The following KATNIP variants were observed in gnomAD, a reference collection of about 807,000 sequenced individuals.
KATNIP encodes katanin interacting protein.
A neutral mutation model predicts 174.0 loss-of-function variants in KATNIP; 126 were observed. The ratio of observed to expected loss-of-function variants is 0.72; its 90% CI spans 0.63 to 0.84. The LOEUF is 0.84. Among genes scored for constraint, KATNIP ranks in the 40% least tolerant of loss-of-function variants. KATNIP has a pLI of 0.00. For missense variants in KATNIP, 1,958 were observed against 2,109.7 expected, an observed-to-expected ratio of 0.93 and a Z score of 1.41; for synonymous variants, 810 against 835.7, an observed-to-expected ratio of 0.97 and a Z score of 0.53.
At chr16:27,747,640 G>T (rs946287189) in intron 15 of KATNIP, among the ~76,000 whole-genome samples, 5 of 151,878 alleles carry the variant, frequency 3.3e-5, no homozygotes, top group Non-Finnish European at 5.9e-5. Context: ...GCCGGAAGGT[G>T]GGGGGTGGGG....
At chr16:27,659,753 G>A (rs1257997497) in intron 6 of KATNIP, among the ~76,000 whole-genome samples, 1 of 152,142 alleles carries the variant, frequency 6.6e-6, no homozygotes. Flanking sequence ...TGCAGGATAA[G>A]GATAGAAATA....
intron 19 of KATNIP, among the ~76,000 whole-genome samples, chr16:27,764,697 C>A (rs2082066612): frequency 6.6e-6 from 1 of 152,206 alleles, no homozygotes; most frequent in South Asian, 2.1e-4. Context: ...CTGTCGGCTA[C>A]AAATGCTCCA....
At chr16:27,560,283 GAAAAAAAAA>G (rs765910684) in intron 1 of KATNIP, among the ~76,000 whole-genome samples, 741 of 44,982 alleles carry the variant, frequency 0.016, 15 homozygotes, top group African/African-American at 0.051. Flanking sequence ...CTCTGTCTCA[GAAAAAAAAA>G]AAAAAAAAAA....
intron 11 of KATNIP, among the ~76,000 whole-genome samples, chr16:27,702,741 T>C (rs556660693): frequency 1.1e-4 from 17 of 152,320 alleles, no homozygotes; most frequent in South Asian, 4.1e-4. Flanking sequence ...GGGAGCCCTT[T>C]GTTATAACTT....
intron 2 of KATNIP, among the ~76,000 whole-genome samples, chr16:27,580,170 T>A (rs1301846186): frequency 6.6e-6 from 1 of 152,134 alleles, no homozygotes; most frequent in Non-Finnish European, 1.5e-5. Context: ...TGGAGTGCAG[T>A]GGCGCTGTAT....
At chr16:27,752,217 G>A (rs927808692) in intron 17 of KATNIP, among the ~76,000 whole-genome samples, 35 of 152,140 alleles carry the variant, frequency 2.3e-4, no homozygotes, top group African/African-American at 8.4e-4. Context: ...GGCAGTCTGG[G>A]GGGAGTTTTT....
chr16:27,739,573 A>C (rs1339945719), intron 14 of KATNIP, among the ~76,000 whole-genome samples: 1 of 152,038 alleles, frequency 6.6e-6, no homozygotes, highest in Non-Finnish European at 1.5e-5. Flanking sequence ...TTTTATAAGC[A>C]CTCCAGGCTT....
At chr16:27,770,658 G>C (rs1419910646) in intron 21 of KATNIP, among the ~76,000 whole-genome samples, 2 of 152,200 alleles carry the variant, frequency 1.3e-5, no homozygotes, top group South Asian at 2.1e-4. Context: ...CACTGACAGC[G>C]GACCAGGGAG....
At position 27,740,789 on chromosome 16, in the gene KATNIP, C is replaced by A; in HGVS notation, c.2492C>A (p.Thr831Asn). The change falls in exon 15 of 28, where the codon ACC (threonine) becomes AAC (asparagine). Residue 831 changes from threonine (T) to asparagine (N), a missense_variant. Coordinates refer to ENST00000261588, the MANE Select transcript of KATNIP (RefSeq NM_015202.5). ...AAGGAGAGACCCCAGAGGGCAACCA[C>A]CAAAGTCCACAGTGATGACTCAGAC... ...NTKERPQRAT[T>N]KVHSDDSDIF... 6.2e-7 allele frequency: 1 copy of A among 1,614,192 alleles called. No individual in the cohort carries two copies.
chr16:27,626,060 G>C (rs2076324628), intron 3 of KATNIP, among the ~76,000 whole-genome samples: 1 of 151,992 alleles, frequency 6.6e-6, no homozygotes, highest in Admixed American at 6.6e-5. Context: ...ATGTTGCCCA[G>C]GCTAATCTCA....
At chr16:27,600,087 T>A (rs764515062) in intron 2 of KATNIP, among the ~76,000 whole-genome samples, 45 of 152,314 alleles carry the variant, frequency 3.0e-4, no homozygotes, top group Non-Finnish European at 5.3e-4. Flanking sequence ...GGTAGGTCAT[T>A]TGATTAAAAT....
At chr16:27,633,892 C>T (rs2076562790) in intron 5 of KATNIP, among the ~76,000 whole-genome samples, 1 of 152,212 alleles carries the variant, frequency 6.6e-6, no homozygotes, top group Admixed American at 6.5e-5. Context: ...GGGGCATCTT[C>T]AAGTCATTGA....
intron 13 of KATNIP, among the ~76,000 whole-genome samples, chr16:27,711,222 G>T (rs2079559904): frequency 6.6e-6 from 1 of 152,188 alleles, no homozygotes; most frequent in Admixed American, 6.5e-5. Flanking sequence ...TCTTTTGGGG[G>T]TGGGAGATGA....
intron 1 of KATNIP, among the ~76,000 whole-genome samples, chr16:27,555,573 G>A (rs1206073370): frequency 3.3e-5 from 5 of 152,168 alleles, no homozygotes; most frequent in African/African-American, 4.8e-5. Context: ...GGTGGCTCAC[G>A]CCTGTAATCC....
At chr16:27,668,893 C>A (rs1191450659) in intron 6 of KATNIP, among the ~76,000 whole-genome samples, 1 of 152,140 alleles carries the variant, frequency 6.6e-6, no homozygotes, top group African/African-American at 2.4e-5. Context: ...GTAATCCCAG[C>A]TGTTCTGGAG....
At chr16:27,681,281 A>T in intron 7 of KATNIP, 118 bp from the exon 8 acceptor site, 1 of 1,331,096 alleles carries the variant, frequency 7.5e-7, no homozygotes, top group Non-Finnish European at 1.1e-6. Context: ...AACTGCACAA[A>T]GTAGTTCCGT....
chr16:27,698,239 A>G, intron 8 of KATNIP, 89 bp from the exon 9 acceptor site: 1 of 1,333,362 alleles, frequency 7.5e-7, no homozygotes, highest in South Asian at 1.5e-5. Context: ...GTTGTTTTAT[A>G]GAATGTTCCT....
At chr16:27,656,419 GAAAAAA>G (rs927275425) in intron 6 of KATNIP, among the ~76,000 whole-genome samples, 15 of 34,420 alleles carry the variant, frequency 4.4e-4, no homozygotes, top group Non-Finnish European at 8.0e-4. Context: ...CTCTGTCTCA[GAAAAAA>G]AAAAAAAAAA....
At chr16:27,749,088 G>A (rs545886342) in intron 15 of KATNIP, among the ~76,000 whole-genome samples, 85 of 152,318 alleles carry the variant, frequency 5.6e-4, no homozygotes, top group Non-Finnish European at 9.4e-4. Context: ...TGACTCAGAC[G>A]CCTCAGGCAG....
Sources: gnomAD v4.1 joint callset for allele counts (sites outside exome capture counted in the v4.1 genomes callset) on GRCh38, gnomAD v4.1.1 for gene constraint, MANE v1.5 for transcripts, NCBI Gene and HGNC (gene_info 2026-07-23, HGNC 2026-07-21) for gene names.